COG5: variants seen among roughly 807,000 people sequenced by gnomAD.
COG5 encodes the protein component of oligomeric golgi complex 5, also known as conserved oligomeric Golgi complex subunit 5.
A neutral mutation model predicts 110.4 loss-of-function variants in COG5; 86 were observed. That is an observed-to-expected ratio of 0.78 (90% confidence interval 0.65 to 0.93). COG5 has a LOEUF of 0.93. Ranked by LOEUF, COG5 falls within the 40% of genes least tolerant of loss-of-function variation. The pLI, the probability that COG5 is intolerant of heterozygous loss-of-function variation, is 0.00. For missense variants in COG5, 1,077 were observed against 987.0 expected, an observed-to-expected ratio of 1.09 and a Z score of -1.22; for synonymous variants, 360 against 334.6, an observed-to-expected ratio of 1.08 and a Z score of -0.83.
intron 6 of COG5, among the ~76,000 whole-genome samples, chr7:107,422,014 AG>A (rs1793328751): frequency 6.6e-6 from 1 of 152,158 alleles, no homozygotes; most frequent in African/African-American, 2.4e-5. Context: ...TATTAGAAAA[AG>A]GTCTCAAATC....
chr7:107,312,832 C>CCG (rs879748740), intron 11 of COG5, among the ~76,000 whole-genome samples: 22,571 of 145,824 alleles, frequency 0.15, 2,068 homozygotes, highest in Non-Finnish European at 0.21. Context: ...TTGGCAGAAG[C>CCG]AGAGGACCTC....
At chr7:107,477,815 T>A (rs182631277) in intron 6 of COG5, among the ~76,000 whole-genome samples, 97 of 152,052 alleles carry the variant, frequency 6.4e-4, no homozygotes, top group African/African-American at 2.2e-3. Context: ...CAACTTTTTG[T>A]ATTAAACATC....
chr7:107,409,271 AGAAAC>A (rs1792099157), intron 7 of COG5, among the ~76,000 whole-genome samples: 1 of 151,516 alleles, frequency 6.6e-6, no homozygotes, highest in Admixed American at 6.6e-5. Flanking sequence ...ATTGAGATAA[AGAAAC>A]GAAGAGAAGA....
At chr7:107,320,932 G>A (rs1809208230) in intron 11 of COG5, among the ~76,000 whole-genome samples, 1 of 152,046 alleles carries the variant, frequency 6.6e-6, no homozygotes, top group South Asian at 2.1e-4. Context: ...GTTAAAACAG[G>A]ACTTCTTCTA....
intron 6 of COG5, among the ~76,000 whole-genome samples, chr7:107,519,301 A>G (rs750836097): frequency 1.3e-5 from 2 of 152,202 alleles, no homozygotes; most frequent in Non-Finnish European, 2.9e-5. Flanking sequence ...GACTAAGATC[A>G]GAGCAGAACT....
Position 107,560,179 on chromosome 7 carries a change from G to A in COG5, c.95-2064C>T, listed in dbSNP as rs547964943. Among the ~76,000 whole-genome samples, 164 of 152,230 alleles carry A rather than the reference G, an allele frequency of 1.1e-3. 4 individuals are homozygous for A. The South Asian group carries it at 0.029, about 27-fold the overall frequency. ...TTCACACAGATATCTTAAAATCTACGATGGTGAGAGTATTTACACCATGGT... is the reference window on the plus strand; with the variant it reads ...TTCACACAGATATCTTAAAATCTACAATGGTGAGAGTATTTACACCATGGT... On this transcript the variant is annotated intron_variant, in intron 1 of 21. Transcript: ENST00000297135.
chr7:107,312,022 G>A (rs1312861549), intron 11 of COG5, among the ~76,000 whole-genome samples: 1 of 151,722 alleles, frequency 6.6e-6, no homozygotes, highest in Admixed American at 6.6e-5. Flanking sequence ...GTAAACTGGG[G>A]ATTTTTTTTT....
At chr7:107,472,794 A>G (rs1447389803) in intron 6 of COG5, 1 of 151,970 alleles carries the variant, frequency 6.6e-6, no homozygotes, top group Non-Finnish European at 1.5e-5. Flanking sequence ...GTTAACATGA[A>G]TTTTGAAAAT....
At chr7:107,472,425 A>ACC (rs1796691093) in intron 6 of COG5, 1 of 151,950 alleles carries the variant, frequency 6.6e-6, no homozygotes, top group South Asian at 2.1e-4. Flanking sequence ...CATGCACCCC[A>ACC]CCACACTGTT....
intron 14 of COG5, among the ~76,000 whole-genome samples, chr7:107,260,918 T>C (rs180689355): frequency 3.4e-3 from 524 of 152,194 alleles, no homozygotes; most frequent in Middle Eastern, 6.8e-3. Context: ...CTTGTGTTTC[T>C]CTCCAACACC....
chr7:107,341,638 C>T (rs549357990), intron 10 of COG5, among the ~76,000 whole-genome samples: 2 of 151,998 alleles, frequency 1.3e-5, no homozygotes, highest in Non-Finnish European at 2.9e-5. Flanking sequence ...TAGTACAAGG[C>T]TATGGTAAGC....
chr7:107,288,789 T>C (rs919971385), intron 12 of COG5, among the ~76,000 whole-genome samples: 1 of 151,440 alleles, frequency 6.6e-6, no homozygotes, highest in African/African-American at 2.4e-5. Flanking sequence ...TTTCAGAAAG[T>C]CCAAAATATC....
intron 20 of COG5, among the ~76,000 whole-genome samples, chr7:107,210,861 T>C (rs997617830): frequency 6.6e-6 from 1 of 152,234 alleles, no homozygotes; most frequent in African/African-American, 2.4e-5. Flanking sequence ...CACAAATTAC[T>C]TGTATCATTA....
At chr7:107,539,150 T>C (rs1461728442) in intron 5 of COG5, among the ~76,000 whole-genome samples, 1 of 152,022 alleles carries the variant, frequency 6.6e-6, no homozygotes, top group Non-Finnish European at 1.5e-5. Context: ...TAGCTGGGCA[T>C]GGTGGTGCGT....
chr7:107,492,890 C>A (rs574527731), intron 6 of COG5, among the ~76,000 whole-genome samples: 23 of 152,246 alleles, frequency 1.5e-4, no homozygotes, highest in African/African-American at 5.3e-4. Flanking sequence ...TTGTGCCATA[C>A]TTGTTGAGCT....
At chr7:107,305,037 G>C (rs1358361030) in intron 11 of COG5, among the ~76,000 whole-genome samples, 1 of 152,154 alleles carries the variant, frequency 6.6e-6, no homozygotes. Context: ...ATGTCTTGAA[G>C]AAAAATAAAG....
At chr7:107,488,947 A>G (rs1797820401) in intron 6 of COG5, among the ~76,000 whole-genome samples, 1 of 152,170 alleles carries the variant, frequency 6.6e-6, no homozygotes, top group Admixed American at 6.6e-5. Context: ...AATGTCACAT[A>G]TATGAAACCT....
intron 6 of COG5, among the ~76,000 whole-genome samples, chr7:107,429,212 C>T (rs529853653): frequency 2.0e-5 from 3 of 152,228 alleles, no homozygotes; most frequent in East Asian, 1.9e-4. Flanking sequence ...TTACTTAATC[C>T]TTCAAAGGAA....
chr7:107,236,055 G>A (rs1288960669), intron 18 of COG5, among the ~76,000 whole-genome samples: 1 of 152,118 alleles, frequency 6.6e-6, no homozygotes, highest in Non-Finnish European at 1.5e-5. Context: ...ATGGTGACAT[G>A]GCAACAAGCG....
Sources: gnomAD v4.1 joint callset for allele counts (sites outside exome capture counted in the v4.1 genomes callset) on GRCh38, gnomAD v4.1.1 for gene constraint, MANE v1.5 for transcripts, NCBI Gene and HGNC (gene_info 2026-07-23, HGNC 2026-07-21) for gene names.